The following SUGCT variants were observed in gnomAD, a reference collection of about 807,000 sequenced individuals.
The protein encoded by SUGCT is succinyl-CoA:glutarate CoA-transferase.
Under a neutral mutation model 55.0 loss-of-function variants are expected in SUGCT, and 41 were observed. That is an observed-to-expected ratio of 0.74 (90% CI 0.58 to 0.97). The LOEUF (loss-of-function observed/expected upper bound fraction) is 0.97, where lower values mean the gene tolerates loss of function less well. Among genes scored for constraint, SUGCT ranks in the 50% least tolerant of loss-of-function variants. The pLI, the probability that SUGCT is intolerant of heterozygous loss-of-function variation, is 0.00. For synonymous variants in SUGCT, 187 were observed against 200.4 expected (o/e 0.93, Z 0.56); for missense variants, 568 against 547.8 (o/e 1.04, Z -0.37).
At chr7:40,978,727 G>T in the SUGCT span, among the ~76,000 whole-genome samples, 8 of 152,300 alleles carry the variant, frequency 5.3e-5, no homozygotes, top group Middle Eastern at 3.4e-3. Flanking sequence ...AGCAGCATGT[G>T]TCAAGGCCAT....
intron 12 of SUGCT, among the ~76,000 whole-genome samples, chr7:40,699,319 G>A (rs1036358542): frequency 6.6e-6 from 1 of 152,128 alleles, no homozygotes; most frequent in African/African-American, 2.4e-5. Flanking sequence ...AGCTGCTAAG[G>A]GGCACAGAGG....
chr7:40,857,303 C>T (rs184473957), intron 13 of SUGCT, among the ~76,000 whole-genome samples: 16 of 152,182 alleles, frequency 1.1e-4, no homozygotes, highest in African/African-American at 3.1e-4. Context: ...AGAGGGATGT[C>T]CCTGCTATTA....
chr7:41,017,251 G>A, the SUGCT span, among the ~76,000 whole-genome samples: 6 of 152,012 alleles, frequency 3.9e-5, no homozygotes, highest in Non-Finnish European at 5.9e-5. Flanking sequence ...TTATCAAAGG[G>A]GCCTGGGTTA....
chr7:40,461,699 A>G (rs943542945), intron 11 of SUGCT, among the ~76,000 whole-genome samples: 3 of 152,204 alleles, frequency 2.0e-5, no homozygotes, highest in Non-Finnish European at 2.9e-5. Context: ...CATGCATTAC[A>G]CAGCCACCTC....
chr7:40,351,011 C>T (rs1314918157), intron 9 of SUGCT, among the ~76,000 whole-genome samples: 1 of 151,942 alleles, frequency 6.6e-6, no homozygotes, highest in Non-Finnish European at 1.5e-5. Context: ...TGTATATGTG[C>T]CATATTTTCT....
chr7:40,651,326 C>A (rs543811481), intron 12 of SUGCT, among the ~76,000 whole-genome samples: 1 of 152,258 alleles, frequency 6.6e-6, no homozygotes, highest in African/African-American at 2.4e-5. Flanking sequence ...TTTTAATTTG[C>A]ACTTCTCTAA....
intron 12 of SUGCT, among the ~76,000 whole-genome samples, chr7:40,679,641 A>C (rs1784153449): frequency 6.6e-6 from 1 of 152,218 alleles, no homozygotes. Flanking sequence ...TGGCATGGAC[A>C]ATAGAAGAGA....
chr7:40,607,978 G>A lies in SUGCT; in HGVS notation c.1089+111592G>A, dbSNP rs1050121048. Among the ~76,000 whole-genome samples, 119 of 152,298 alleles carry A rather than the reference G, an allele frequency of 7.8e-4. 1 individual carries two copies. Among genetic ancestry groups the A allele is most frequent in the African/African-American group, 2.8e-3 (118 of 41,574 alleles). On this transcript the variant is annotated intron_variant, in intron 12 of 13. Transcript: ENST00000335693. ...CAATAATGTCCATGAATATTTCCAAGATGGGCTTCAGGTATTTTGACTTGA... is the reference window on the plus strand; with the variant it reads ...CAATAATGTCCATGAATATTTCCAAAATGGGCTTCAGGTATTTTGACTTGA...
intron 7 of SUGCT, among the ~76,000 whole-genome samples, chr7:40,246,653 G>A (rs1250905546): frequency 6.7e-6 from 1 of 149,850 alleles, no homozygotes. Flanking sequence ...CTGGAGTGCA[G>A]TGGCATGATC....
At chr7:40,147,285 A>G (rs1001486950) in intron 1 of SUGCT, among the ~76,000 whole-genome samples, 2 of 152,026 alleles carry the variant, frequency 1.3e-5, no homozygotes, top group African/African-American at 2.4e-5. Context: ...CCCCCTCCCC[A>G]TGGGGATTTC....
the SUGCT span, among the ~76,000 whole-genome samples, chr7:41,033,798 T>A: frequency 6.6e-6 from 1 of 152,072 alleles, no homozygotes; most frequent in African/African-American, 2.4e-5. Flanking sequence ...TGACCTATGA[T>A]GGGTCTGAGG....
At chr7:40,149,288 A>G (rs1339416406) in intron 1 of SUGCT, among the ~76,000 whole-genome samples, 1 of 152,158 alleles carries the variant, frequency 6.6e-6, no homozygotes, top group Non-Finnish European at 1.5e-5. Context: ...AGTGAAAGAG[A>G]TCTAACTTAA....
the SUGCT span, among the ~76,000 whole-genome samples, chr7:41,008,530 C>A: frequency 6.6e-6 from 1 of 152,188 alleles, no homozygotes; most frequent in Non-Finnish European, 1.5e-5. Flanking sequence ...TCCAAGTCAA[C>A]ACTCATGCCT....
At chr7:40,175,844 C>T (rs1784898446) in intron 1 of SUGCT, among the ~76,000 whole-genome samples, 2 of 152,090 alleles carry the variant, frequency 1.3e-5, no homozygotes, top group African/African-American at 2.4e-5. Context: ...GGAACATGCA[C>T]AATGACCTAC....
At chr7:40,543,098 T>C (rs1036869243) in intron 12 of SUGCT, among the ~76,000 whole-genome samples, 3 of 152,154 alleles carry the variant, frequency 2.0e-5, no homozygotes, top group African/African-American at 7.2e-5. Context: ...TGAACTAATG[T>C]TTCAATACGT....
the SUGCT span, among the ~76,000 whole-genome samples, chr7:41,011,289 C>T: frequency 2.6e-5 from 4 of 152,186 alleles, no homozygotes; most frequent in African/African-American, 7.2e-5. Flanking sequence ...CCTGGGGTTT[C>T]GTGTGTACCT....
At chr7:40,361,769 T>G (rs1212960429) in intron 9 of SUGCT, among the ~76,000 whole-genome samples, 1 of 152,018 alleles carries the variant, frequency 6.6e-6, no homozygotes, top group Non-Finnish European at 1.5e-5. Flanking sequence ...GTCACTGGCA[T>G]AAAGATAGCA....
intron 12 of SUGCT, among the ~76,000 whole-genome samples, chr7:40,725,466 AT>A (rs1315065778): frequency 6.6e-6 from 1 of 150,752 alleles, no homozygotes; most frequent in East Asian, 1.9e-4. Flanking sequence ...GCATGCTCAT[AT>A]TTCCTTTTAA....
chr7:40,278,515 T>G (rs1233387599), intron 8 of SUGCT, among the ~76,000 whole-genome samples: 1 of 152,192 alleles, frequency 6.6e-6, no homozygotes, highest in African/African-American at 2.4e-5. Flanking sequence ...AGCAGATAAT[T>G]TATTCTACAG....
Sources: allele counts gnomAD v4.1 joint callset (sites outside exome capture counted in the v4.1 genomes callset), GRCh38; gene constraint gnomAD v4.1.1; transcripts MANE v1.5; gene names NCBI Gene and HGNC (gene_info 2026-07-23, HGNC 2026-07-21).